F11R: variants seen among roughly 807,000 people sequenced by gnomAD.
F11R encodes F11 receptor, also known as junctional adhesion molecule A.
A neutral mutation model predicts 39.3 loss-of-function variants in F11R; 27 were observed. The observed-to-expected ratio is 0.69, with a 90% confidence interval of 0.51 to 0.95. The LOEUF (loss-of-function observed/expected upper bound fraction) is 0.95. Ranked by LOEUF, F11R falls within the 40% of genes least tolerant of loss-of-function variation. The pLI is 0.00. For synonymous variants in F11R, 131 were observed against 144.9 expected (o/e 0.90, Z 0.69); for missense variants, 335 against 372.7 (o/e 0.90, Z 0.83).
In F11R at chr1:160,996,769, A is replaced by AAAAACAAAAC. The variant is rs530573336; in HGVS notation, c.*2092_*2101dup. 5 of 152,310 alleles carry AAAAACAAAAC rather than the reference A, an allele frequency of 3.3e-5. No homozygotes were observed. Among genetic ancestry groups the AAAAACAAAAC allele is most frequent in the African/African-American group, 1.2e-4 (5 of 41,462 alleles). The allele number at this position is 152,310 out of a possible 1,614,324, so 9.4% of individuals were successfully genotyped here. ...TGACAGAGCGAGACTCCGTCTTTAA[A>AAAAACAAAAC]AAAACAAAACAAAACAAAACAAAAA... On this transcript the variant is annotated 3_prime_UTR_variant, in exon 10 of 10. Coordinates refer to ENST00000368026, the MANE Select transcript of F11R (RefSeq NM_016946.6).
intron 1 of F11R, among the ~76,000 whole-genome samples, chr1:161,008,271 G>A (rs1014993642): frequency 6.6e-6 from 1 of 152,042 alleles, no homozygotes; most frequent in Non-Finnish European, 1.5e-5. Context: ...TGAGGCAGGC[G>A]GATCTCGAGA....
At chr1:161,019,205 G>T (rs933114261) in intron 1 of F11R, among the ~76,000 whole-genome samples, 17 of 152,076 alleles carry the variant, frequency 1.1e-4, no homozygotes, top group Admixed American at 6.6e-5. Context: ...TTGACTATGG[G>T]TGTCACTAGC....
In F11R at chr1:161,000,325, T is replaced by C; in HGVS notation, c.412A>G (p.Asn138Asp). Residue 138 changes from asparagine to aspartate, a missense_variant, in exon 5 of 10, where the codon AAC (asparagine) becomes GAC (aspartate). Physicochemically the swap from Asn to Asp is conservative, Grantham distance 23. Transcript: ENST00000368026. ...CCAATGGTGGCAGAGGAGGGGATGT[T>C]AACTGTAGGCTTGGATGGAGGCACT... is the stretch of plus-strand genomic sequence containing the variant. The part of the protein sequence containing the change: ...VLVPPSKPTV[N>D]IPSSATIGNR... 1 of 1,613,944 alleles carries C rather than the reference T, an allele frequency of 6.2e-7. No individual in the cohort carries two copies.
chr1:161,018,675 G>A (rs1330731182), intron 1 of F11R, among the ~76,000 whole-genome samples: 3 of 152,182 alleles, frequency 2.0e-5, no homozygotes, highest in African/African-American at 7.2e-5. Context: ...AGAAAGCCAA[G>A]CTAGAATGCA....
At chr1:161,019,125 T>A (rs1649608764) in intron 1 of F11R, among the ~76,000 whole-genome samples, 1 of 151,956 alleles carries the variant, frequency 6.6e-6, no homozygotes, top group Non-Finnish European at 1.5e-5. Flanking sequence ...ACTTCTGGGC[T>A]TAGGGGAAAA....
chr1:161,000,634 G>T lies in F11R; in HGVS notation c.385C>A (p.Leu129Ile). 1 of 1,614,164 alleles carries T rather than the reference G, an allele frequency of 6.2e-7. No homozygotes were observed. The stretch of plus-strand genomic sequence containing the variant: ...CCAGAAGACATGGGGCACGTACCAA[G>T]CACGATGAGCTTGACCTTGACCTCC... ...YGEVKVKLIV[L>I]VPPSKPTVNI... Residue 129 changes from leucine (L) to isoleucine (I), a missense_variant, in exon 4 of 10, where the codon CTT (leucine) becomes ATT (isoleucine). Transcript: ENST00000368026.
At chr1:161,003,285 G>A (rs1010471488) in intron 1 of F11R, among the ~76,000 whole-genome samples, 6 of 151,676 alleles carry the variant, frequency 4.0e-5, no homozygotes, top group South Asian at 2.1e-4. Context: ...CACCATGCCC[G>A]GCTAATTTTG....
chr1:160,999,777 G>T (rs764986576), intron 6 of F11R, 30 bp from the exon 7 acceptor site: 3 of 1,610,060 alleles, frequency 1.9e-6, no homozygotes, highest in Non-Finnish European at 2.6e-6. Context: ...AGTCAGGCAC[G>T]GGGATACTCA....
intron 3 of F11R, 67 bp downstream of exon 3, chr1:161,000,953 T>C: frequency 6.6e-7 from 1 of 1,524,536 alleles, no homozygotes; most frequent in Non-Finnish European, 9.1e-7. Flanking sequence ...AAAGTCTGGA[T>C]CGTAGAATCC....
At chr1:161,005,632 C>T (rs1033517790) in intron 1 of F11R, among the ~76,000 whole-genome samples, 7 of 152,086 alleles carry the variant, frequency 4.6e-5, no homozygotes, top group African/African-American at 1.4e-4. Context: ...TTCGGCCTCC[C>T]AAAGTGCTGG....
At chr1:161,019,305 G>A (rs899461889) in intron 1 of F11R, among the ~76,000 whole-genome samples, 4 of 152,032 alleles carry the variant, frequency 2.6e-5, no homozygotes, top group Non-Finnish European at 5.9e-5. Context: ...TAGAAAAAAA[G>A]GAAGACATGG....
chr1:161,001,167 A>C, intron 2 of F11R, 40 bp from the exon 3 acceptor site: 1 of 1,605,048 alleles, frequency 6.2e-7, no homozygotes, highest in Non-Finnish European at 8.5e-7. Flanking sequence ...AAGAAGCAGC[A>C]GCAAATACAC....
At chr1:161,016,254 A>C in intron 1 of F11R, among the ~76,000 whole-genome samples, 1 of 152,154 alleles carries the variant, frequency 6.6e-6, no homozygotes, top group East Asian at 1.9e-4. Context: ...TGGCGGGCAG[A>C]TCATGAGGTC....
Position 160,998,749 on chromosome 1 carries a change from G to A in F11R, c.*122C>T. ...TATTAAAAACACATCCGAAGAAGTA[G>A]GGGGCCCTGTGGGGTGTAGAAGACA... On this transcript the variant is annotated 3_prime_UTR_variant, in exon 10 of 10. Transcript: ENST00000368026. 3.4e-6 allele frequency: 3 copies of A among 890,850 alleles called. No homozygotes were observed. The highest frequency in any genetic ancestry group is 5.5e-6 in the Non-Finnish European group (3 of 549,148). 55.2% of individuals were successfully genotyped at this position (890,850 alleles called of 1,614,324 possible). A position where few individuals can be genotyped will look rare whatever the true frequency, so the allele number is the denominator to read the frequency against.
chr1:161,005,434 A>G (rs1571012648), intron 1 of F11R, among the ~76,000 whole-genome samples: 1 of 151,108 alleles, frequency 6.6e-6, no homozygotes, highest in African/African-American at 2.4e-5. Context: ...TCAGCCTCCT[A>G]AGTAGTTGGG....
At chr1:161,017,663 G>T (rs1649538774) in intron 1 of F11R, among the ~76,000 whole-genome samples, 1 of 152,156 alleles carries the variant, frequency 6.6e-6, no homozygotes, top group South Asian at 2.1e-4. Flanking sequence ...AGGCTGGCGG[G>T]ATCCTCCATG....
Position 161,000,755 on chromosome 1 carries a change from G to A in F11R, c.264C>T (p.Thr88=). The A allele has an allele frequency of 1.2e-6, 2 of 1,614,124 alleles. No homozygotes were observed. The highest frequency in any genetic ancestry group is 1.7e-6 in the Non-Finnish European group (2 of 1,180,018). Residue 88 remains threonine, a synonymous_variant, in exon 4 of 10, where the codon ACC becomes ACT. Transcript: ENST00000368026. ...TGAAGGTGATACCAGTTGGCAAGAA[G>A]GTCACCCGGTCCTCATAGGAAGCTA... The part of the protein sequence containing the change: ...KITASYEDRV[T]FLPTGITFKS...
In F11R at chr1:160,998,365, C is replaced by A. The variant is rs984994084; in HGVS notation, c.*506G>T. ...CCATGGGAAGACAGAAGAGAGTGGG[C>A]CCCAGAGATGGAAGGACCCCAGTGT... is the stretch of plus-strand genomic sequence containing the variant. On this transcript the variant is annotated 3_prime_UTR_variant, in exon 10 of 10. Transcript: ENST00000368026. 5.2e-5 allele frequency: 9 copies of A among 172,330 alleles called. No individual in the cohort carries two copies. Among genetic ancestry groups the A allele is most frequent in the Non-Finnish European group, 6.2e-5 (5 of 80,060 alleles). The allele number at this position is 172,330 out of a possible 1,614,324, so 10.7% of individuals were successfully genotyped here.
At position 161,002,163 on chromosome 1, in the gene F11R, G is replaced by A. The variant is rs150366055; in HGVS notation, c.65-810C>T. On this transcript the variant is annotated intron_variant, in intron 1 of 9. Transcript: ENST00000368026. ...TGTAGTCCCAGCTACTTGGGAGGCT[G>A]AGGCAGAAGAGTCGCTTGAACCCGG... Among the ~76,000 whole-genome samples the A allele has an allele frequency of 9.1e-3, 1,384 of 151,516 alleles. 9 individuals are homozygous for A. Among genetic ancestry groups the A allele is most frequent in the Middle Eastern group, 0.031 (9 of 294 alleles).
Sources: gnomAD v4.1 joint callset for allele counts (sites outside exome capture counted in the v4.1 genomes callset) on GRCh38, gnomAD v4.1.1 for gene constraint, MANE v1.5 for transcripts, NCBI Gene and HGNC (gene_info 2026-07-23, HGNC 2026-07-21) for gene names.